Variants in N4BP1 observed in about 807,000 individuals in gnomAD.
N4BP1 encodes NEDD4 binding protein 1.
N4BP1 carries 21 observed loss-of-function variants against 70.9 expected under a neutral mutation model. The ratio of observed to expected loss-of-function variants is 0.30; its 90% CI spans 0.21 to 0.43. The LOEUF is 0.43. Among genes scored for constraint, N4BP1 ranks in the 20% least tolerant of loss-of-function variants. N4BP1 has a pLI of 1.00. For synonymous variants in N4BP1, 387 were observed against 394.6 expected (o/e 0.98, Z 0.23); for missense variants, 936 against 1,069.4 (o/e 0.88, Z 1.74).
intron 1 of N4BP1, among the ~76,000 whole-genome samples, chr16:48,586,166 T>A (rs1311895149): frequency 6.6e-6 from 1 of 152,216 alleles, no homozygotes; most frequent in Non-Finnish European, 1.5e-5. Flanking sequence ...TTCACTTTTG[T>A]TTAGAGATGG....
At chr16:48,598,290 T>G (rs1038585751) in intron 1 of N4BP1, among the ~76,000 whole-genome samples, 23 of 152,202 alleles carry the variant, frequency 1.5e-4, no homozygotes, top group Admixed American at 2.6e-4. Flanking sequence ...GGAAGCCATA[T>G]CATGTTTCCT....
At chr16:48,568,715 T>C (rs1278609071) in intron 1 of N4BP1, among the ~76,000 whole-genome samples, 1 of 152,236 alleles carries the variant, frequency 6.6e-6, no homozygotes, top group East Asian at 1.9e-4. Context: ...TAAAAAATAT[T>C]GTGCCACTTT....
chr16:48,554,028 C>T (rs573714575), intron 2 of N4BP1, among the ~76,000 whole-genome samples: 1 of 152,222 alleles, frequency 6.6e-6, no homozygotes, highest in African/African-American at 2.4e-5. Flanking sequence ...GTGTCCTGTC[C>T]CAGGAGGGCT....
chr16:48,597,123 C>T (rs980385969), intron 1 of N4BP1, among the ~76,000 whole-genome samples: 8 of 152,152 alleles, frequency 5.3e-5, no homozygotes, highest in African/African-American at 1.2e-4. Flanking sequence ...CTCTGATCCC[C>T]GAATATGGGG....
intron 1 of N4BP1, among the ~76,000 whole-genome samples, chr16:48,601,948 T>G (rs1252640645): frequency 6.6e-6 from 1 of 152,188 alleles, no homozygotes; most frequent in Non-Finnish European, 1.5e-5. Context: ...TTTGGCCAGG[T>G]GCAGTGGCTC....
chr16:48,600,909 G>A (rs1251008873), intron 1 of N4BP1, among the ~76,000 whole-genome samples: 2 of 152,168 alleles, frequency 1.3e-5, no homozygotes, highest in Non-Finnish European at 2.9e-5. Context: ...AAATGGTTAT[G>A]CCAATTGGAT....
rs770820237 is a variant in N4BP1 at position 48,539,603 on chromosome 16, T to C, written c.*3301A>G. 6.6e-6 allele frequency: 1 copy of C among 152,240 alleles called. No homozygotes were observed. The highest frequency in any genetic ancestry group is 2.4e-5 in the African/African-American group (1 of 41,422). The allele number at this position is 152,240 out of a possible 1,614,324, so 9.4% of individuals were successfully genotyped here. ...ACCTGCATGGGAACTGCCTGGGGAA[T>C]GCGCTCATTTGCAGATTCCCGGGCC... On this transcript the variant is annotated 3_prime_UTR_variant, in exon 7 of 7. Coordinates refer to ENST00000262384, the MANE Select transcript of N4BP1 (RefSeq NM_153029.4).
Position 48,540,069 on chromosome 16 carries a change from A to G in N4BP1, c.*2835T>C, listed in dbSNP as rs574890197. 6.6e-6 allele frequency: 1 copy of G among 152,462 alleles called. No homozygotes were observed. Among genetic ancestry groups the G allele is most frequent in the South Asian group, 2.1e-4 (1 of 4,834 alleles). The allele number at this position is 152,462 out of a possible 1,614,324, so 9.4% of individuals were successfully genotyped here. On this transcript the variant is annotated 3_prime_UTR_variant, in exon 7 of 7. Transcript: ENST00000262384. ...AGGCTGTTTCAATCTAAAACATCCA[A>G]GATAAGTGGAAACACTGGGGAGGAA...
intron 1 of N4BP1, among the ~76,000 whole-genome samples, chr16:48,585,486 T>C (rs1161913021): frequency 6.6e-6 from 1 of 150,708 alleles, no homozygotes; most frequent in Admixed American, 6.6e-5. Flanking sequence ...AAAAAAAAAA[T>C]AAATGATTAT....
intron 6 of N4BP1, among the ~76,000 whole-genome samples, chr16:48,544,892 A>C (rs1963566309): frequency 6.6e-6 from 1 of 152,206 alleles, no homozygotes; most frequent in South Asian, 2.1e-4. Context: ...TCAGAGGGAG[A>C]GCTCTCACAC....
rs1315619794 is a variant in N4BP1, at chr16:48,567,129, TC to T, written c.199-4686del. Reference sequence around the variant, plus strand: ...AGTTTCTTGAAGACACCAGATAATTTCATTATATGTTTTTAATCCACTGACG... The same window carrying T: ...AGTTTCTTGAAGACACCAGATAATTTATTATATGTTTTTAATCCACTGACG... On this transcript the variant is annotated intron_variant, in intron 1 of 6. Coordinates refer to ENST00000262384, the MANE Select transcript of N4BP1 (RefSeq NM_153029.4). Among the ~76,000 whole-genome samples the T allele has an allele frequency of 4.6e-5, 7 of 152,234 alleles. No homozygotes were observed. The East Asian group carries it at 1.3e-3, about 29-fold the overall frequency.
chr16:48,597,776 T>A (rs1964438655), intron 1 of N4BP1, among the ~76,000 whole-genome samples: 1 of 152,178 alleles, frequency 6.6e-6, no homozygotes, highest in Admixed American at 6.5e-5. Flanking sequence ...CTAGTGGCCC[T>A]ACAAATAAAC....
At chr16:48,595,273 C>T (rs1964393664) in intron 1 of N4BP1, among the ~76,000 whole-genome samples, 1 of 151,692 alleles carries the variant, frequency 6.6e-6, no homozygotes, top group African/African-American at 2.4e-5. Context: ...ACCAGCCTGG[C>T]CAACATGGCA....
chr16:48,608,608 C>T (rs969938684), intron 1 of N4BP1, among the ~76,000 whole-genome samples: 3 of 151,998 alleles, frequency 2.0e-5, no homozygotes, highest in African/African-American at 7.3e-5. Context: ...CCTAGAGAAA[C>T]TTGGTTACCT....
chr16:48,592,266 T>A (rs1335005652), intron 1 of N4BP1, among the ~76,000 whole-genome samples: 1 of 152,062 alleles, frequency 6.6e-6, no homozygotes, highest in Non-Finnish European at 1.5e-5. Flanking sequence ...GCTGACTGGG[T>A]TTGGGTTGCC....
chr16:48,571,001 A>C (rs1159080794), intron 1 of N4BP1, among the ~76,000 whole-genome samples: 1 of 152,130 alleles, frequency 6.6e-6, no homozygotes, highest in African/African-American at 2.4e-5. Context: ...CATGTTGGCC[A>C]GGCTGGTCTA....
At chr16:48,566,637 T>C (rs1262597391) in intron 1 of N4BP1, among the ~76,000 whole-genome samples, 1 of 152,216 alleles carries the variant, frequency 6.6e-6, no homozygotes, top group Non-Finnish European at 1.5e-5. Context: ...AAGGTCTATC[T>C]TGATAGTTCT....
At chr16:48,591,632 GTTT>G (rs34007822) in intron 1 of N4BP1, among the ~76,000 whole-genome samples, 2 of 136,992 alleles carry the variant, frequency 1.5e-5, no homozygotes, top group African/African-American at 2.7e-5. Context: ...AAAGGCCTTG[GTTT>G]TTTTTTTTTT....
At chr16:48,545,157 G>T (rs767524118) in intron 6 of N4BP1, among the ~76,000 whole-genome samples, 65 of 151,884 alleles carry the variant, frequency 4.3e-4, no homozygotes, top group Non-Finnish European at 8.1e-4. Flanking sequence ...TAGAGCCAGG[G>T]TTTCACCATG....
Sources: gnomAD v4.1 joint callset for allele counts (sites outside exome capture counted in the v4.1 genomes callset) on GRCh38, gnomAD v4.1.1 for gene constraint, MANE v1.5 for transcripts, NCBI Gene and HGNC (gene_info 2026-07-23, HGNC 2026-07-21) for gene names.